The following MCTP2 variants were observed in gnomAD, a reference collection of about 807,000 sequenced individuals.
MCTP2 encodes multiple C2 and transmembrane domain-containing protein 2.
MCTP2 carries 132 observed loss-of-function variants against 111.6 expected under a neutral mutation model. The ratio of observed to expected loss-of-function variants is 1.18; its 90% CI spans 1.03 to 1.37. The LOEUF (loss-of-function observed/expected upper bound fraction) is 1.37. Among genes scored for constraint, MCTP2 ranks in the 40% most tolerant of loss-of-function variants. The pLI is 0.00. For synonymous variants in MCTP2, 395 were observed against 387.7 expected, an observed-to-expected ratio of 1.02 and a Z score of -0.22; for missense variants, 1,183 against 1,067.9, an observed-to-expected ratio of 1.11 and a Z score of -1.50.
intron 1 of MCTP2, among the ~76,000 whole-genome samples, chr15:94,244,337 C>CACGTAT: frequency 6.8e-6 from 1 of 147,538 alleles, no homozygotes; most frequent in Non-Finnish European, 1.5e-5. Flanking sequence ...TGTATATATA[C>CACGTAT]ACGTATACGT....
intron 17 of MCTP2, chr15:94,402,859 A>T (rs908395292): frequency 1.6e-6 from 2 of 1,214,244 alleles, no homozygotes; most frequent in Non-Finnish European, 2.1e-6. Context: ...GTGGTCTAAG[A>T]GTGTGAATAT....
At chr15:94,302,408 G>A (rs979953534) in intron 2 of MCTP2, among the ~76,000 whole-genome samples, 4 of 152,204 alleles carry the variant, frequency 2.6e-5, no homozygotes, top group African/African-American at 9.6e-5. Flanking sequence ...GAATTGGAAT[G>A]ATGGGGCAAA....
chr15:94,232,705 G>C (rs2070272979), intron 1 of MCTP2, among the ~76,000 whole-genome samples: 1 of 152,134 alleles, frequency 6.6e-6, no homozygotes, highest in Non-Finnish European at 1.5e-5. Flanking sequence ...TGTTTAGAAC[G>C]AGACCAATGG....
At chr15:94,430,553 G>A (rs1253499805) in intron 17 of MCTP2, among the ~76,000 whole-genome samples, 2 of 124,118 alleles carry the variant, frequency 1.6e-5, no homozygotes, top group African/African-American at 3.1e-5. Flanking sequence ...CCAACATGGT[G>A]AAACCCCTTC....
chr15:94,234,771 G>A (rs946869822), intron 1 of MCTP2, among the ~76,000 whole-genome samples: 3 of 152,200 alleles, frequency 2.0e-5, no homozygotes, highest in Non-Finnish European at 4.4e-5. Context: ...TCCTGAGTAA[G>A]GCGAAGTCCT....
At chr15:94,263,319 C>G (rs905571013) in intron 1 of MCTP2, among the ~76,000 whole-genome samples, 4 of 152,164 alleles carry the variant, frequency 2.6e-5, no homozygotes, top group Non-Finnish European at 4.4e-5. Context: ...TCAAAACAAA[C>G]ACTGAAATAG....
Position 94,384,023 on chromosome 15 carries a change from G to A in MCTP2, c.1584G>A (p.Gly528=). The change falls in exon 13 of 23, where the codon GGG becomes GGA. Residue 528 remains glycine, a splice_region_variant and synonymous_variant. Transcript: ENST00000357742. ...CCGATGTGTATGTTATCTTTCCAGGGAAGAGTGACCCATTTTGCTTGTTGG... is the reference window on the plus strand; with the variant it reads ...CCGATGTGTATGTTATCTTTCCAGGAAAGAGTGACCCATTTTGCTTGTTGG... The part of the protein sequence containing the change: ...AADLLAADFS[G]KSDPFCLLEL... 1.2e-6 allele frequency: 2 copies of A among 1,610,616 alleles called. No homozygotes were observed. The highest frequency in any genetic ancestry group is 1.7e-6 in the Non-Finnish European group (2 of 1,177,000).
chr15:94,253,479 A>C (rs151194484), intron 1 of MCTP2, among the ~76,000 whole-genome samples: 1 of 152,060 alleles, frequency 6.6e-6, no homozygotes, highest in African/African-American at 2.4e-5. Flanking sequence ...CAGTCCCTTC[A>C]TTGTCATTCT....
chr15:94,471,278 C>T (rs533281405), intron 21 of MCTP2, among the ~76,000 whole-genome samples: 2 of 152,264 alleles, frequency 1.3e-5, no homozygotes, highest in Admixed American at 1.3e-4. Flanking sequence ...TCTCAATGCT[C>T]GTCACTTCCA....
intron 20 of MCTP2, 134 bp from the exon 21 acceptor site, chr15:94,470,199 G>A: frequency 1.6e-6 from 1 of 640,464 alleles, no homozygotes; most frequent in Non-Finnish European, 2.7e-6. Context: ...TCATCTTGAG[G>A]TTTTTAACAA....
At chr15:94,386,476 T>C (rs8042022) in intron 14 of MCTP2, among the ~76,000 whole-genome samples, 74,725 of 152,088 alleles carry the variant, frequency 0.49, 21,334 homozygotes, top group East Asian at 0.79. Context: ...TCTGTGTTTG[T>C]GCACTTGGAT....
intron 17 of MCTP2, among the ~76,000 whole-genome samples, chr15:94,410,534 C>T (rs1243036721): frequency 2.0e-5 from 3 of 150,830 alleles, no homozygotes; most frequent in Admixed American, 6.6e-5. Context: ...AGTGAGACCC[C>T]GTCTCAAAAA....
At chr15:94,433,093 G>C (rs921637605) in intron 17 of MCTP2, among the ~76,000 whole-genome samples, 10 of 152,128 alleles carry the variant, frequency 6.6e-5, no homozygotes, top group African/African-American at 2.2e-4. Flanking sequence ...GGATTTGTTA[G>C]ATTTGTTCAA....
At chr15:94,314,590 A>G (rs2076297072) in intron 3 of MCTP2, 3 of 555,758 alleles carry the variant, frequency 5.4e-6, no homozygotes, top group Admixed American at 3.0e-5. Context: ...GTGAGATAGT[A>G]AGGCAGATAA....
At chr15:94,341,049 C>T (rs1464418491) in intron 7 of MCTP2, 125 bp downstream of exon 7, 4 of 664,666 alleles carry the variant, frequency 6.0e-6, no homozygotes, top group South Asian at 3.4e-5. Context: ...GGGGGTGCAA[C>T]ATTTTATGGA....
intron 1 of MCTP2, among the ~76,000 whole-genome samples, chr15:94,267,100 A>G (rs915450922): frequency 2.6e-5 from 4 of 152,214 alleles, no homozygotes; most frequent in Non-Finnish European, 1.5e-5. Flanking sequence ...AGTAAAATCT[A>G]TCCTTGTTAG....
chr15:94,424,383 G>A (rs1359534558), intron 17 of MCTP2, among the ~76,000 whole-genome samples: 1 of 152,016 alleles, frequency 6.6e-6, no homozygotes, highest in Non-Finnish European at 1.5e-5. Flanking sequence ...TGGTGGACGC[G>A]TGTAAGAATT....
chr15:94,441,857 A>G (rs1461720784), intron 18 of MCTP2, among the ~76,000 whole-genome samples: 1 of 152,140 alleles, frequency 6.6e-6, no homozygotes, highest in Non-Finnish European at 1.5e-5. Context: ...TTCATGAGAC[A>G]TGTTTGCTGC....
In MCTP2 at chr15:94,435,701, G is replaced by T. The variant is rs1166336454; in HGVS notation, c.2086-4475G>T. Among the ~76,000 whole-genome samples the T allele has an allele frequency of 2.0e-4, 26 of 128,402 alleles. 3 individuals carry two copies. Among genetic ancestry groups the T allele is most frequent in the South Asian group, 5.7e-4 (2 of 3,520 alleles). 84.2% of individuals were successfully genotyped at this position (128,402 alleles called of 152,430 possible). The stretch of plus-strand genomic sequence containing the variant: ...GGCTGGAGTGCAGTGGCGCGATCTC[G>T]GCTCACTGCAAGCTCCGCCTCCCGG... On this transcript the variant is annotated intron_variant, in intron 17 of 22. Transcript: ENST00000357742.
Sources: allele counts gnomAD v4.1 joint callset (sites outside exome capture counted in the v4.1 genomes callset), GRCh38; gene constraint gnomAD v4.1.1; transcripts MANE v1.5; gene names NCBI Gene and HGNC (gene_info 2026-07-23, HGNC 2026-07-21).